PPM1L: variants seen among roughly 807,000 people sequenced by gnomAD.
PPM1L encodes protein phosphatase 1L.
Under a neutral mutation model 31.4 loss-of-function variants are expected in PPM1L, and 13 were observed. The observed-to-expected ratio is 0.41, with a 90% confidence interval of 0.27 to 0.66. The LOEUF (loss-of-function observed/expected upper bound fraction) is 0.66, where lower values mean the gene tolerates loss of function less well. Among genes scored for constraint, PPM1L ranks in the 30% least tolerant of loss-of-function variants. The pLI is 0.29. For missense variants in PPM1L, 326 were observed against 453.7 expected, an observed-to-expected ratio of 0.72 and a Z score of 2.56; for synonymous variants, 184 against 175.4, an observed-to-expected ratio of 1.05 and a Z score of -0.39.
chr3:160,794,338 G>T (rs1377451822), intron 1 of PPM1L, among the ~76,000 whole-genome samples: 1 of 152,088 alleles, frequency 6.6e-6, no homozygotes, highest in Non-Finnish European at 1.5e-5. Context: ...ATTCTGAGTT[G>T]GTTGAAGGAA....
At chr3:161,064,679 T>C (rs1396945736) in intron 2 of PPM1L, among the ~76,000 whole-genome samples, 1 of 152,158 alleles carries the variant, frequency 6.6e-6, no homozygotes. Flanking sequence ...TCCATTCCCA[T>C]GTCAAAAAGG....
At chr3:160,877,833 CT>C (rs1186056158) in intron 1 of PPM1L, among the ~76,000 whole-genome samples, 3 of 152,290 alleles carry the variant, frequency 2.0e-5, no homozygotes, top group Non-Finnish European at 4.4e-5. Context: ...GGGTTTTCTA[CT>C]TGGCCAGTGC....
chr3:161,008,210 C>G (rs1717776624), intron 2 of PPM1L, among the ~76,000 whole-genome samples: 1 of 152,206 alleles, frequency 6.6e-6, no homozygotes, highest in South Asian at 2.1e-4. Context: ...AATTATCTGA[C>G]CTTTCTTGTT....
chr3:161,066,413 T>C lies in PPM1L; in HGVS notation c.736+849T>C, dbSNP rs181336683. ...AAATAGTAAAAGTAAGTCATTCATA[T>C]AGTATATTAGAAGTTGATAACTGCT... On this transcript the variant is annotated intron_variant, in intron 3 of 3. Transcript: ENST00000498165. 5.3e-4 allele frequency among the ~76,000 whole-genome samples: 81 copies of C among 152,228 alleles called. 1 individual carries two copies. In the East Asian group the frequency reaches 8.1e-3, roughly 15 times the overall value.
chr3:161,010,589 G>A (rs1717860491), intron 2 of PPM1L, among the ~76,000 whole-genome samples: 3 of 152,218 alleles, frequency 2.0e-5, no homozygotes, highest in Admixed American at 2.0e-4. Flanking sequence ...GATCCTTGAG[G>A]AATTGCCACA....
chr3:160,758,382 C>T lies in PPM1L; in HGVS notation c.399+1675C>T, dbSNP rs554041600. ...AGGGTGAAGGAAGCTGTGATTCCTT[C>T]CTTTGTAAATCATTTAACAAGCTTA... On this transcript the variant is annotated intron_variant, in intron 1 of 3. Transcript: ENST00000498165. 2.6e-4 allele frequency among the ~76,000 whole-genome samples: 39 copies of T among 151,952 alleles called. 1 individual carries two copies. The highest frequency in any genetic ancestry group is 7.4e-5 in the Non-Finnish European group (5 of 67,972).
At chr3:160,954,916 CTTCCTTCT>C (rs1478707907) in intron 1 of PPM1L, among the ~76,000 whole-genome samples, 3 of 120,422 alleles carry the variant, frequency 2.5e-5, no homozygotes, top group Admixed American at 8.6e-5. Flanking sequence ...TCCTTCCTTC[CTTCCTTCT>C]TTCCTTCCTT....
intron 1 of PPM1L, among the ~76,000 whole-genome samples, chr3:160,782,119 C>G (rs1711763846): frequency 6.6e-6 from 1 of 151,898 alleles, no homozygotes; most frequent in Non-Finnish European, 1.5e-5. Flanking sequence ...CTCTTCACTC[C>G]AAGAAGAAAC....
At chr3:160,797,447 T>A (rs1302333699) in intron 1 of PPM1L, among the ~76,000 whole-genome samples, 2 of 152,192 alleles carry the variant, frequency 1.3e-5, no homozygotes, top group Admixed American at 1.3e-4. Flanking sequence ...AACTCTTCAG[T>A]AGCCTCTAAG....
intron 1 of PPM1L, among the ~76,000 whole-genome samples, chr3:160,957,931 T>C (rs1356791403): frequency 2.0e-5 from 3 of 152,220 alleles, no homozygotes; most frequent in African/African-American, 7.2e-5. Context: ...GAGCTTTTTT[T>C]CATGATTGTT....
chr3:160,997,258 G>A (rs919606899), intron 2 of PPM1L, among the ~76,000 whole-genome samples: 7 of 152,110 alleles, frequency 4.6e-5, no homozygotes, highest in African/African-American at 1.7e-4. Context: ...TGAAACCAAG[G>A]GGACAGTAAA....
At chr3:161,026,936 C>G (rs992308930) in intron 2 of PPM1L, among the ~76,000 whole-genome samples, 2 of 152,174 alleles carry the variant, frequency 1.3e-5, no homozygotes, top group Non-Finnish European at 2.9e-5. Flanking sequence ...AGTGAGTACA[C>G]TGGCTCCAGA....
intron 2 of PPM1L, among the ~76,000 whole-genome samples, chr3:161,023,930 T>C (rs1718305457): frequency 6.6e-6 from 1 of 152,242 alleles, no homozygotes; most frequent in Non-Finnish European, 1.5e-5. Flanking sequence ...CCCAGGAATA[T>C]GTTGGAGCTT....
chr3:160,771,995 T>C (rs1715269861), intron 1 of PPM1L, among the ~76,000 whole-genome samples: 1 of 152,148 alleles, frequency 6.6e-6, no homozygotes, highest in Non-Finnish European at 1.5e-5. Context: ...GCATCTGATA[T>C]GGTACCTTCA....
At chr3:160,876,858 A>C (rs1011340438) in intron 1 of PPM1L, among the ~76,000 whole-genome samples, 6 of 152,240 alleles carry the variant, frequency 3.9e-5, no homozygotes, top group African/African-American at 1.4e-4. Flanking sequence ...AGTCTTGCAC[A>C]CAGCAGCCTG....
chr3:160,900,340 G>A (rs1043526858), intron 1 of PPM1L, among the ~76,000 whole-genome samples: 4 of 151,656 alleles, frequency 2.6e-5, no homozygotes, highest in African/African-American at 7.3e-5. Flanking sequence ...TGCTTTTTTG[G>A]TATGTTTTCT....
At chr3:160,995,402 C>T (rs1285050714) in intron 2 of PPM1L, among the ~76,000 whole-genome samples, 1 of 152,070 alleles carries the variant, frequency 6.6e-6, no homozygotes, top group Non-Finnish European at 1.5e-5. Context: ...CTTACTGCAA[C>T]CTCCACCTCC....
At chr3:161,013,380 T>A (rs191022131) in intron 2 of PPM1L, among the ~76,000 whole-genome samples, 1 of 152,244 alleles carries the variant, frequency 6.6e-6, no homozygotes, top group Non-Finnish European at 1.5e-5. Context: ...TGCACTGTGA[T>A]CTGAGAGACA....
At chr3:160,923,067 G>A (rs1714467864) in intron 1 of PPM1L, among the ~76,000 whole-genome samples, 1 of 152,164 alleles carries the variant, frequency 6.6e-6, no homozygotes, top group African/African-American at 2.4e-5. Flanking sequence ...ATTATTACTA[G>A]CAATGTAGCT....
Sources: gnomAD v4.1 joint callset for allele counts (sites outside exome capture counted in the v4.1 genomes callset) on GRCh38, gnomAD v4.1.1 for gene constraint, MANE v1.5 for transcripts, NCBI Gene and HGNC (gene_info 2026-07-23, HGNC 2026-07-21) for gene names.